Variants in LHFPL1 observed in about 807,000 individuals in gnomAD.
The protein encoded by LHFPL1 is LHFPL tetraspan subfamily member 1 protein.
In LHFPL1, 4 loss-of-function variants were observed where a neutral mutation model predicts 12.1. The observed-to-expected ratio is 0.33, with a 90% confidence interval of 0.16 to 0.76. LHFPL1 has a LOEUF of 0.76. LHFPL1 is among the 30% of genes least tolerant of loss of function. The pLI is 0.61. For missense variants in LHFPL1, 141 were observed against 174.1 expected (o/e 0.81, Z 1.07); for synonymous variants, 52 against 61.9 (o/e 0.84, Z 0.75).
chrX:112,631,383 C>G lies in LHFPL1; in HGVS notation c.*37G>C. The G allele has an allele frequency of 8.6e-7, 1 of 1,164,164 alleles. No individual in the cohort carries two copies. Among genetic ancestry groups the G allele is most frequent in the Non-Finnish European group, 1.2e-6 (1 of 861,432 alleles). ...TAGTACCTCTTTTCAGGGCTCCCTC[C>G]TCCCCTTTCCCACCCTCTCCAATCT... On this transcript the variant is annotated 3_prime_UTR_variant, in exon 4 of 4. Coordinates refer to ENST00000371968, the MANE Select transcript of LHFPL1 (RefSeq NM_178175.4).
At chrX:112,658,944 G>T (rs769854812) in intron 3 of LHFPL1, among the ~76,000 whole-genome samples, 1 of 111,850 alleles carries the variant, frequency 8.9e-6, no homozygotes, top group Admixed American at 9.5e-5. Flanking sequence ...ATTCAGACAT[G>T]AAAAGAAATA....
Position 112,630,754 on chromosome X carries a change from A to G in LHFPL1, c.*666T>C, listed in dbSNP as rs1349766464. 1 of 111,651 alleles carries G rather than the reference A, an allele frequency of 9.0e-6. No homozygotes were observed. Among genetic ancestry groups the G allele is most frequent in the Non-Finnish European group, 1.9e-5 (1 of 53,139 alleles). The allele number at this position is 111,651 out of a possible 1,213,427, so 9.2% of individuals were successfully genotyped here. ...TTCTTTATCTCTAAAGGATGAGAGA[A>G]TATTTGCTACTATATATTTTTTTTG... is the stretch of plus-strand genomic sequence containing the variant. On this transcript the variant is annotated 3_prime_UTR_variant, in exon 4 of 4. Transcript: ENST00000371968.
chrX:112,636,705 T>C (rs1930349971), intron 3 of LHFPL1, among the ~76,000 whole-genome samples: 1 of 111,889 alleles, frequency 8.9e-6, no homozygotes, highest in Non-Finnish European at 1.9e-5. Flanking sequence ...GAATAAATGT[T>C]TTAACTCCAC....
chrX:112,647,836 A>T (rs911053856), intron 3 of LHFPL1, among the ~76,000 whole-genome samples: 2 of 112,209 alleles, frequency 1.8e-5, no homozygotes, highest in East Asian at 2.8e-4. Context: ...ATATACCCAA[A>T]GGATTATAAA....
intron 3 of LHFPL1, among the ~76,000 whole-genome samples, chrX:112,638,901 T>C (rs1040595838): frequency 9.0e-6 from 1 of 111,375 alleles, no homozygotes; most frequent in Non-Finnish European, 1.9e-5. Context: ...TGCTATTTGC[T>C]GACTCAATGC....
chrX:112,672,390 T>C (rs1033487539), intron 1 of LHFPL1, among the ~76,000 whole-genome samples: 4 of 111,312 alleles, frequency 3.6e-5, no homozygotes, highest in South Asian at 3.9e-4. Context: ...CAAATGGTTT[T>C]CACAGACCCC....
chrX:112,640,954 T>C (rs1378832709), intron 3 of LHFPL1, among the ~76,000 whole-genome samples: 1 of 111,844 alleles, frequency 8.9e-6, no homozygotes, highest in African/African-American at 3.3e-5. Context: ...ATGTTCAGAA[T>C]ATGCTTTTTG....
rs764198179 is a variant in LHFPL1, at chrX:112,660,736, A to C, written c.383-11T>G. ...AGCTTATCAGCAGCCCTAGAAAGAA[A>C]GCATACACACAGACAGAAAAAATAT... On this transcript the variant is annotated splice_polypyrimidine_tract_variant and intron_variant, in intron 2 of 3. Transcript: ENST00000371968. The C allele has an allele frequency of 1.8e-6, 2 of 1,116,221 alleles. No homozygotes were observed. The highest frequency in any genetic ancestry group is 1.9e-5 in the South Asian group (1 of 54,017). 92.0% of individuals were successfully genotyped at this position (1,116,221 alleles called of 1,213,427 possible).
Position 112,631,519 on chromosome X carries a change from G to C in LHFPL1, c.564C>G (p.Cys188Trp), listed in dbSNP as rs1210808079. 8.3e-7 allele frequency: 1 copy of C among 1,210,778 alleles called. No homozygotes were observed. Among genetic ancestry groups the C allele is most frequent in the Non-Finnish European group, 1.1e-6 (1 of 894,915 alleles). Reference sequence around the variant, plus strand: ...CAGGCTTGGGGTTTCTTCCAGCAAAGCAAGAGAGCCAGGTGCAGATCAACA... The same window carrying C: ...CAGGCTTGGGGTTTCTTCCAGCAAACCAAGAGAGCCAGGTGCAGATCAACA... ...AAMLICTWLS[C>W]FAGRNPKPVI... is the part of the protein sequence containing the mutation. The change falls in exon 4 of 4, where the codon TGC (cysteine) becomes TGG (tryptophan). Residue 188 changes from cysteine (C) to tryptophan (W), a missense_variant. Cys to Trp is a radical substitution (Grantham distance 215). Coordinates refer to ENST00000371968, the MANE Select transcript of LHFPL1 (RefSeq NM_178175.4).
At position 112,635,770 on chromosome X, in the gene LHFPL1, AGAGG is replaced by A. The variant is rs1930321144; in HGVS notation, c.482-4173_482-4170del. Among the ~76,000 whole-genome samples, 4 of 112,018 alleles carry A rather than the reference AGAGG, an allele frequency of 3.6e-5. No homozygotes were observed. The Admixed American group carries it at 3.8e-4, about 11-fold the overall frequency. On this transcript the variant is annotated intron_variant, in intron 3 of 3. Transcript: ENST00000371968. The stretch of plus-strand genomic sequence containing the variant: ...GTAGTAGGAAGTGGGCATTCTAGGC[AGAGG>A]GAGTGGTTGGCGTGAGCAAAGTTAT...
intron 3 of LHFPL1, among the ~76,000 whole-genome samples, chrX:112,647,455 C>T (rs1452341639): frequency 2.7e-5 from 3 of 111,083 alleles, no homozygotes; most frequent in Admixed American, 1.9e-4. Context: ...CCAGAATCTA[C>T]AAGGAACTTA....
chrX:112,664,458 T>C (rs1657829357), intron 2 of LHFPL1, among the ~76,000 whole-genome samples: 1 of 112,009 alleles, frequency 8.9e-6, no homozygotes, highest in Admixed American at 9.5e-5. Context: ...AGCTGCCTTG[T>C]TGGAGTTATC....
intron 1 of LHFPL1, among the ~76,000 whole-genome samples, chrX:112,675,117 G>A (rs1279844712): frequency 9.0e-6 from 1 of 111,104 alleles, no homozygotes; most frequent in Non-Finnish European, 1.9e-5. Context: ...GGGGACTTTG[G>A]GGACTTGGGG....
chrX:112,642,910 C>A (rs1009920229), intron 3 of LHFPL1, among the ~76,000 whole-genome samples: 23 of 110,735 alleles, frequency 2.1e-4, no homozygotes, highest in Non-Finnish European at 2.1e-4. Context: ...GTGAGAAAAT[C>A]TAATGGTAAA....
In LHFPL1 at chrX:112,631,531, G is replaced by A. The variant is rs1255957108; in HGVS notation, c.552C>T (p.Thr184=). 8.3e-7 allele frequency: 1 copy of A among 1,208,814 alleles called. No individual in the cohort carries two copies. The highest frequency in any genetic ancestry group is 1.8e-5 in the African/African-American group (1 of 57,076). Residue 184 remains threonine (T), a synonymous_variant, in exon 4 of 4, where the codon ACC becomes ACT. Transcript: ENST00000371968. ...TTCTTCCAGCAAAGCAAGAGAGCCA[G>A]GTGCAGATCAACATGGCTGCAGCTG... ...GGAAAAMLIC[T]WLSCFAGRNP...
chrX:112,655,198 A>T (rs945989158), intron 3 of LHFPL1, among the ~76,000 whole-genome samples: 1 of 112,173 alleles, frequency 8.9e-6, no homozygotes, highest in Non-Finnish European at 1.9e-5. Context: ...TCTATAATGA[A>T]GCTAATTAGA....
intron 3 of LHFPL1, among the ~76,000 whole-genome samples, chrX:112,643,080 TAAAA>T (rs774495839): frequency 1.2e-5 from 1 of 82,802 alleles, no homozygotes; most frequent in African/African-American, 4.4e-5. Flanking sequence ...CTGGGTAATT[TAAAA>T]AAAAAAAAAA....
At chrX:112,659,001 G>A (rs760532692) in intron 3 of LHFPL1, among the ~76,000 whole-genome samples, 3 of 111,695 alleles carry the variant, frequency 2.7e-5, no homozygotes, top group Admixed American at 9.5e-5. Context: ...AAAACTTCTC[G>A]CTCAGTGAAA....
At chrX:112,671,537 G>T in intron 1 of LHFPL1, 133 bp from the exon 2 acceptor site, 1 of 1,149,053 alleles carries the variant, frequency 8.7e-7, no homozygotes, top group East Asian at 3.0e-5. Flanking sequence ...CATTGCTTCT[G>T]GATAAGATTA....
Sources: gnomAD v4.1 joint callset for allele counts (sites outside exome capture counted in the v4.1 genomes callset) on GRCh38, gnomAD v4.1.1 for gene constraint, MANE v1.5 for transcripts, NCBI Gene and HGNC (gene_info 2026-07-23, HGNC 2026-07-21) for gene names.